The following PRRX2 variants were observed in gnomAD, a reference collection of about 807,000 sequenced individuals.
The protein encoded by PRRX2 is paired mesoderm homeobox protein 2.
PRRX2 carries 11 observed loss-of-function variants against 18.0 expected under a neutral mutation model. The observed-to-expected ratio is 0.61, with a 90% CI of 0.39 to 1.01. The LOEUF is 1.01. Among genes scored for constraint, PRRX2 ranks in the 50% least tolerant of loss-of-function variants. PRRX2 has a pLI of 0.01. For synonymous variants in PRRX2, 177 were observed against 154.8 expected, an observed-to-expected ratio of 1.14 and a Z score of -1.06; for missense variants, 387 against 351.0, an observed-to-expected ratio of 1.10 and a Z score of -0.82.
At chr9:129,667,730 G>A (rs759058896) in intron 1 of PRRX2, among the ~76,000 whole-genome samples, 14 of 152,140 alleles carry the variant, frequency 9.2e-5, no homozygotes, top group Non-Finnish European at 1.9e-4. Flanking sequence ...TGCTTCTCCC[G>A]GACACGGTGT....
At chr9:129,711,982 C>G (rs1303541059) in intron 1 of PRRX2, among the ~76,000 whole-genome samples, 1 of 152,120 alleles carries the variant, frequency 6.6e-6, no homozygotes, top group Non-Finnish European at 1.5e-5. Flanking sequence ...CAAAGGAACC[C>G]AAATCTCTAC....
chr9:129,692,103 G>T (rs889986287), intron 1 of PRRX2, among the ~76,000 whole-genome samples: 1 of 150,172 alleles, frequency 6.7e-6, no homozygotes, highest in Non-Finnish European at 1.5e-5. Context: ...ACACCACCAC[G>T]CCTGGCTAGT....
intron 2 of PRRX2, 31 bp from the exon 3 acceptor site, chr9:129,720,565 T>A: frequency 6.4e-7 from 1 of 1,572,034 alleles, no homozygotes; most frequent in Non-Finnish European, 8.6e-7. Context: ...CCCCTGCCCA[T>A]GCTGCACCCT....
rs1832690703 is a variant in PRRX2 at position 129,715,316 on chromosome 9, CCAAG to C, written c.260-3912_260-3909del. On this transcript the variant is annotated intron_variant, in intron 1 of 3. Transcript: ENST00000372469. The surrounding 1 kb of genome is among the most constrained non-coding windows in gnomAD (Gnocchi z 4.0). ...GTGTCTTGAAAGATATTTAGCAAGGCCAAGCATGGTGGCTCGTGCCTGTAATCCC... is the reference window on the plus strand; with the variant it reads ...GTGTCTTGAAAGATATTTAGCAAGGCCATGGTGGCTCGTGCCTGTAATCCC... Among the ~76,000 whole-genome samples the C allele has an allele frequency of 6.6e-6, 1 of 152,142 alleles. No individual in the cohort carries two copies. Among genetic ancestry groups the C allele is most frequent in the African/African-American group, 2.4e-5 (1 of 41,434 alleles).
chr9:129,694,915 G>C (rs949537171), intron 1 of PRRX2, among the ~76,000 whole-genome samples: 1 of 152,168 alleles, frequency 6.6e-6, no homozygotes, highest in African/African-American at 2.4e-5. Flanking sequence ...TTCTGGCCTG[G>C]GGGATTCAGC....
chr9:129,693,603 A>G (rs1394032084), intron 1 of PRRX2, among the ~76,000 whole-genome samples: 2 of 102,516 alleles, frequency 2.0e-5, no homozygotes, highest in South Asian at 5.6e-4. Flanking sequence ...TGTCTCAAAA[A>G]AAAAAAAAAA....
intron 1 of PRRX2, among the ~76,000 whole-genome samples, chr9:129,708,591 A>C (rs1832583856): frequency 6.6e-6 from 1 of 152,164 alleles, no homozygotes; most frequent in African/African-American, 2.4e-5. Flanking sequence ...GTAATGTGTA[A>C]ATAATTTTTC....
intron 1 of PRRX2, 90 bp from the exon 2 acceptor site, chr9:129,719,141 C>T: frequency 5.5e-6 from 7 of 1,268,770 alleles, no homozygotes; most frequent in Non-Finnish European, 7.4e-6. Flanking sequence ...GGCACTAAAG[C>T]ACTCAGAGCA....
At position 129,711,182 on chromosome 9, in the gene PRRX2, A is replaced by G. The variant is rs1218502771; in HGVS notation, c.260-8049A>G. Among the ~76,000 whole-genome samples, 2 of 152,130 alleles carry G rather than the reference A, an allele frequency of 1.3e-5. 1 individual carries two copies. The highest frequency in any genetic ancestry group is 3.9e-4 in the East Asian group (2 of 5,184). On this transcript the variant is annotated intron_variant, in intron 1 of 3. Coordinates refer to ENST00000372469, the MANE Select transcript of PRRX2 (RefSeq NM_016307.4). ...CCCATGCCGAGGTGACTCAGGCAGC[A>G]GTGTGGGGAAGTGGCTAAGACCCCG...
chr9:129,713,821 T>A (rs1350932334), intron 1 of PRRX2, among the ~76,000 whole-genome samples: 7 of 149,942 alleles, frequency 4.7e-5, no homozygotes, highest in African/African-American at 7.4e-5. Context: ...TTATTTATTT[T>A]TAGTAGAGAT....
intron 1 of PRRX2, among the ~76,000 whole-genome samples, chr9:129,666,573 C>CG (rs1345362866): frequency 7.2e-6 from 1 of 139,428 alleles, no homozygotes; most frequent in Non-Finnish European, 1.6e-5. Context: ...GCCTGCCCAC[C>CG]CCCCCCCACC....
At chr9:129,696,891 G>A (rs1832431145) in intron 1 of PRRX2, among the ~76,000 whole-genome samples, 1 of 152,184 alleles carries the variant, frequency 6.6e-6, no homozygotes, top group African/African-American at 2.4e-5. Flanking sequence ...AGTTGAAGAG[G>A]GGGTGCAGCG....
intron 1 of PRRX2, among the ~76,000 whole-genome samples, chr9:129,718,295 C>T (rs113566535): frequency 6.6e-6 from 1 of 152,312 alleles, no homozygotes; most frequent in African/African-American, 2.4e-5. Flanking sequence ...CCTTCAAACC[C>T]TTTGCAAGCT....
intron 1 of PRRX2, among the ~76,000 whole-genome samples, chr9:129,697,108 C>T (rs1244103300): frequency 6.6e-6 from 1 of 152,214 alleles, no homozygotes; most frequent in African/African-American, 2.4e-5. Flanking sequence ...GGCCCTTAGC[C>T]TTGGCCTTGG....
At chr9:129,721,910 G>C (rs1832797631) in intron 3 of PRRX2, among the ~76,000 whole-genome samples, 1 of 152,140 alleles carries the variant, frequency 6.6e-6, no homozygotes, top group South Asian at 2.1e-4. Flanking sequence ...CCAGGTGCCT[G>C]TTCATTCTGC....
At chr9:129,704,342 A>G (rs1409054241) in intron 1 of PRRX2, among the ~76,000 whole-genome samples, 1 of 152,158 alleles carries the variant, frequency 6.6e-6, no homozygotes, top group Non-Finnish European at 1.5e-5. Flanking sequence ...GGAGGGAGAG[A>G]TACTGTTTTG....
intron 1 of PRRX2, among the ~76,000 whole-genome samples, chr9:129,683,835 G>A (rs1348864064): frequency 6.6e-6 from 1 of 152,170 alleles, no homozygotes; most frequent in Non-Finnish European, 1.5e-5. Flanking sequence ...GCTCAGAGGC[G>A]GGAGCGCCAC....
chr9:129,669,848 A>C lies in PRRX2; in HGVS notation c.259+3722A>C, dbSNP rs1186807253. 3.9e-5 allele frequency among the ~76,000 whole-genome samples: 6 copies of C among 151,970 alleles called. No homozygotes were observed. In the South Asian group the frequency reaches 1.0e-3, roughly 26 times the overall value. ...TTTTTTATTGCGATAAAAGATGCCT[A>C]ACATCAGATTGACCATTTTCACCAT... On this transcript the variant is annotated intron_variant, in intron 1 of 3. Transcript: ENST00000372469.
Position 129,695,997 on chromosome 9 carries a change from A to G in PRRX2, c.260-23234A>G, listed in dbSNP as rs1401471269. On this transcript the variant is annotated intron_variant, in intron 1 of 3. Coordinates refer to ENST00000372469, the MANE Select transcript of PRRX2 (RefSeq NM_016307.4). The surrounding 1 kb of genome is among the most constrained non-coding windows in gnomAD (Gnocchi z 4.8). Reference sequence around the variant, plus strand: ...TGAGAAGGCGGAAAGCTGAAGTTTAATCTGGAGCCAACAAATTACTTGGAA... The same window carrying G: ...TGAGAAGGCGGAAAGCTGAAGTTTAGTCTGGAGCCAACAAATTACTTGGAA... Among the ~76,000 whole-genome samples, 4 of 152,192 alleles carry G rather than the reference A, an allele frequency of 2.6e-5. No homozygotes were observed. Among genetic ancestry groups the G allele is most frequent in the Admixed American group, 1.3e-4 (2 of 15,272 alleles).
Sources: allele counts gnomAD v4.1 joint callset (sites outside exome capture counted in the v4.1 genomes callset), GRCh38; gene constraint gnomAD v4.1.1; non-coding constraint Gnocchi (gnomAD v3.1); transcripts MANE v1.5; gene names NCBI Gene and HGNC (gene_info 2026-07-23, HGNC 2026-07-21).